The following LANCL2 variants were observed in gnomAD, a reference collection of about 807,000 sequenced individuals.
LANCL2 encodes LanC like glutathione S-transferase 2, also known as lanC-like protein 2.
Under a neutral mutation model 56.9 loss-of-function variants are expected in LANCL2, and 33 were observed. The observed-to-expected ratio is 0.58, with a 90% CI of 0.44 to 0.78. The LOEUF (loss-of-function observed/expected upper bound fraction) is 0.78. LANCL2 is among the 30% of genes least tolerant of loss of function. The pLI is 0.00. For missense variants in LANCL2, 562 were observed against 580.2 expected (o/e 0.97, Z 0.32); for synonymous variants, 233 against 228.2 (o/e 1.02, Z -0.19).
chr7:55,369,488 C>T (rs776868108), intron 1 of LANCL2, among the ~76,000 whole-genome samples: 2 of 152,182 alleles, frequency 1.3e-5, no homozygotes, highest in Non-Finnish European at 2.9e-5. Flanking sequence ...GTATTTATAA[C>T]ATTTTTTACA....
intron 3 of LANCL2, among the ~76,000 whole-genome samples, chr7:55,399,406 C>T (rs1265202974): frequency 2.7e-5 from 4 of 149,328 alleles, no homozygotes; most frequent in Admixed American, 2.0e-4. Context: ...TGCAATGGCG[C>T]GATCTCAGCT....
intron 6 of LANCL2, among the ~76,000 whole-genome samples, chr7:55,418,514 T>G (rs537926727): frequency 3.8e-4 from 58 of 152,338 alleles, no homozygotes; most frequent in Middle Eastern, 6.8e-3. Context: ...TTATATTCTG[T>G]GCTAAATTCA....
chr7:55,424,763 G>A (rs371994463), intron 6 of LANCL2, among the ~76,000 whole-genome samples: 3 of 152,172 alleles, frequency 2.0e-5, no homozygotes, highest in Non-Finnish European at 2.9e-5. Flanking sequence ...GAGCAGCAGC[G>A]AGCAAGCGAA....
chr7:55,430,870 G>A (rs1790719433), intron 8 of LANCL2, among the ~76,000 whole-genome samples: 1 of 152,186 alleles, frequency 6.6e-6, no homozygotes, highest in Admixed American at 6.5e-5. Context: ...GATATAAAAT[G>A]CAACTTTGAG....
At chr7:55,420,695 G>A (rs538984315) in intron 6 of LANCL2, among the ~76,000 whole-genome samples, 2 of 152,342 alleles carry the variant, frequency 1.3e-5, no homozygotes, top group South Asian at 4.1e-4. Flanking sequence ...CACAAAAGCA[G>A]CCACAGCCAG....
intron 6 of LANCL2, 80 bp from the exon 7 acceptor site, chr7:55,425,174 C>T: frequency 1.4e-6 from 2 of 1,430,172 alleles, no homozygotes; most frequent in Non-Finnish European, 9.6e-7. Flanking sequence ...ATGCCATATT[C>T]TAACCAGAAA....
At chr7:55,410,035 T>G in intron 5 of LANCL2, among the ~76,000 whole-genome samples, 1 of 152,180 alleles carries the variant, frequency 6.6e-6, no homozygotes, top group East Asian at 1.9e-4. Context: ...AAAGTGTCCC[T>G]CATCTGCCAC....
chr7:55,404,088 A>G (rs1790376511), intron 5 of LANCL2, among the ~76,000 whole-genome samples: 1 of 152,176 alleles, frequency 6.6e-6, no homozygotes, highest in Admixed American at 6.5e-5. Context: ...TGACAACGAT[A>G]GAGTACTGAC....
intron 1 of LANCL2, among the ~76,000 whole-genome samples, chr7:55,367,049 G>A (rs74970815): frequency 0.024 from 3,697 of 152,176 alleles, 160 homozygotes; most frequent in African/African-American, 0.084. Context: ...AAGAAAAGGG[G>A]GCAGTTTAGA....
rs531186779 is a variant in LANCL2, at chr7:55,386,431, C to A, written c.205-5362C>A. ...GGTCCCTCTGTTTGGGGGTCCCTGA[C>A]TTCCCGCAACATGACTGTATGGAAA... On this transcript the variant is annotated intron_variant, in intron 1 of 8. Transcript: ENST00000254770. Among the ~76,000 whole-genome samples the A allele has an allele frequency of 2.6e-5, 4 of 152,350 alleles. No homozygotes were observed. In the East Asian group the frequency reaches 5.8e-4, roughly 22 times the overall value.
chr7:55,401,413 A>G, intron 5 of LANCL2, 93 bp downstream of exon 5: 2 of 1,125,944 alleles, frequency 1.8e-6, no homozygotes, highest in Non-Finnish European at 2.6e-6. Context: ...TCTGGATTGA[A>G]ATACCCTACT....
At chr7:55,424,508 T>A (rs1051302029) in intron 6 of LANCL2, among the ~76,000 whole-genome samples, 1 of 152,220 alleles carries the variant, frequency 6.6e-6, no homozygotes, top group African/African-American at 2.4e-5. Flanking sequence ...CTCGATTGCC[T>A]TCTACAAGAG....
intron 1 of LANCL2, among the ~76,000 whole-genome samples, chr7:55,370,234 G>A (rs1789927938): frequency 6.6e-6 from 1 of 152,176 alleles, no homozygotes; most frequent in African/African-American, 2.4e-5. Flanking sequence ...TGACATAGTG[G>A]CTGTCTTCCC....
intron 1 of LANCL2, among the ~76,000 whole-genome samples, chr7:55,385,294 A>G (rs1308128118): frequency 6.6e-6 from 1 of 152,196 alleles, no homozygotes; most frequent in Non-Finnish European, 1.5e-5. Context: ...ACAGTTGTTG[A>G]GTACAGAAAG....
chr7:55,429,560 A>C lies in LANCL2; in HGVS notation c.1258+1113A>C, dbSNP rs372090432. Among the ~76,000 whole-genome samples the C allele has an allele frequency of 1.3e-4, 20 of 152,364 alleles. No individual in the cohort carries two copies. In the East Asian group the frequency reaches 3.1e-3, roughly 23 times the overall value. ...AATATTTTTAAATCATATTTTAGAA[A>C]TACGAGCAGAAAACAGAGCATGTGT... On this transcript the variant is annotated intron_variant, in intron 8 of 8. Coordinates refer to ENST00000254770, the MANE Select transcript of LANCL2 (RefSeq NM_018697.4).
intron 5 of LANCL2, among the ~76,000 whole-genome samples, chr7:55,403,361 C>T (rs1250489214): frequency 6.6e-6 from 1 of 152,012 alleles, no homozygotes; most frequent in African/African-American, 2.4e-5. Flanking sequence ...GAGAATCAGG[C>T]AGGGAGGTTG....
intron 6 of LANCL2, among the ~76,000 whole-genome samples, chr7:55,421,630 C>A (rs1790609551): frequency 6.6e-6 from 1 of 151,136 alleles, no homozygotes; most frequent in Non-Finnish European, 1.5e-5. Context: ...GGTGTGAGCG[C>A]CACCGTGCCT....
chr7:55,428,345 A>G (rs1033132514), intron 7 of LANCL2, 30 bp from the exon 8 acceptor site: 1 of 1,592,720 alleles, frequency 6.3e-7, no homozygotes, highest in African/African-American at 1.3e-5. Context: ...TAGAAACTCC[A>G]GTCTTAAAAA....
At chr7:55,429,847 C>T (rs957552198) in intron 8 of LANCL2, among the ~76,000 whole-genome samples, 5 of 152,278 alleles carry the variant, frequency 3.3e-5, no homozygotes, top group Admixed American at 1.3e-4. Context: ...CCCTGTGCCT[C>T]GCCAGTGCCT....
Sources: gnomAD v4.1 joint callset for allele counts (sites outside exome capture counted in the v4.1 genomes callset) on GRCh38, gnomAD v4.1.1 for gene constraint, MANE v1.5 for transcripts, NCBI Gene and HGNC (gene_info 2026-07-23, HGNC 2026-07-21) for gene names.